PCDHA9: variants seen among roughly 807,000 people sequenced by gnomAD.
PCDHA9 encodes the protein protocadherin alpha 9.
Under a neutral mutation model 62.0 loss-of-function variants are expected in PCDHA9, and 62 were observed. That is an observed-to-expected ratio of 1.00 (90% CI 0.81 to 1.23). The LOEUF (loss-of-function observed/expected upper bound fraction) is 1.23. PCDHA9 is among the 50% of genes most tolerant of loss of function. PCDHA9 has a pLI of 0.00. For missense variants in PCDHA9, 1,205 were observed against 1,249.8 expected (o/e 0.96, Z 0.54); for synonymous variants, 557 against 567.6 (o/e 0.98, Z 0.27).
At position 140,850,814 on chromosome 5, in the gene PCDHA9, C is replaced by A. The variant is rs2150499236; in HGVS notation, c.2319C>A (p.Ser773Arg). The A allele has an allele frequency of 8.1e-6, 13 of 1,598,168 alleles. 1 individual carries two copies. In the South Asian group the frequency reaches 1.4e-4, roughly 18 times the overall value. The change falls in exon 1 of 4, where the codon AGC (serine) becomes AGA (arginine). Residue 773 changes from serine to arginine, a missense_variant. Physicochemically the swap from Ser to Arg is moderately radical, Grantham distance 110. Transcript: ENST00000532602. ...AGAAGACCGACCTCATGGCCTTCAG[C>A]CCGGGCCTTTCTCCTTGTGCTGGAT... ...GKQKTDLMAF[S>R]PGLSPCAGST...
chr5:140,978,820 TG>T, intron 1 of PCDHA9, 128 bp from the exon 2 acceptor site: 2 of 1,517,498 alleles, frequency 1.3e-6, no homozygotes, highest in Non-Finnish European at 1.8e-6. Flanking sequence ...GAGTTACACA[TG>T]AAATGGCTCA....
Position 140,849,778 on chromosome 5 carries a change from G to C in PCDHA9, c.1283G>C (p.Arg428Pro), listed in dbSNP as rs2150449659. ...GCCTACGAGCTGGTGGTTACCGCGC[G>C]GGACGGGGGCTCGCCTTCACTGTGG... is the stretch of plus-strand genomic sequence containing the variant. ...VSAYELVVTA[R>P]DGGSPSLWAT... Residue 428 changes from arginine to proline, a missense_variant, in exon 1 of 4, where the codon CGG (arginine) becomes CCG (proline). Around this residue, in one of 3 missense-constraint regions of PCDHA9, gnomAD observed 887 missense variants for 809.5 expected, o/e 1.10. Transcript: ENST00000532602. 3 of 1,598,508 alleles carry C rather than the reference G, an allele frequency of 1.9e-6. No individual in the cohort carries two copies. The highest frequency in any genetic ancestry group is 2.6e-6 in the Non-Finnish European group (3 of 1,167,978).
rs782250124 is a variant in PCDHA9, at chr5:140,870,603, C to G, written c.2394+19714C>G. 14 of 1,613,222 alleles carry G rather than the reference C, an allele frequency of 8.7e-6. No individual in the cohort carries two copies. In the Middle Eastern group the frequency reaches 5.0e-4, roughly 58 times the overall value. On this transcript the variant is annotated intron_variant, in intron 1 of 3. Coordinates refer to ENST00000532602, the MANE Select transcript of PCDHA9 (RefSeq NM_031857.2). ...CGCTGGTGGAGCGGCGGTTGGGCGA[C>G]CGCGCGCTGTCGAGCTACGTGTCGG...
chr5:140,961,236 T>C (rs246004), intron 1 of PCDHA9, among the ~76,000 whole-genome samples: 47,773 of 152,034 alleles, frequency 0.31, 7,861 homozygotes, highest in East Asian at 0.53. Context: ...AAAAAGGTGA[T>C]GGAATTTATC....
chr5:140,857,674 G>A lies in PCDHA9; in HGVS notation c.2394+6785G>A, dbSNP rs1581464423. 2.5e-6 allele frequency: 4 copies of A among 1,596,892 alleles called. No individual in the cohort carries two copies. In the East Asian group the frequency reaches 6.7e-5, roughly 27 times the overall value. ...TGAGCGCGCGCGATGGGGGCGTGCC[G>A]CCTCTGGGCAGCAACTTGACGCTGC... On this transcript the variant is annotated intron_variant, in intron 1 of 3. Coordinates refer to ENST00000532602, the MANE Select transcript of PCDHA9 (RefSeq NM_031857.2).
At chr5:140,949,975 A>AT (rs2153688056) in intron 1 of PCDHA9, among the ~76,000 whole-genome samples, 1 of 152,044 alleles carries the variant, frequency 6.6e-6, no homozygotes, top group South Asian at 2.1e-4. Flanking sequence ...TACAGCATAC[A>AT]TACTTAACTT....
intron 1 of PCDHA9, chr5:140,928,126 C>T (rs782461261): frequency 1.2e-6 from 2 of 1,614,176 alleles, no homozygotes; most frequent in Non-Finnish European, 1.7e-6. Context: ...CAGTGAATAC[C>T]AAGTCCTGAT....
chr5:140,922,652 T>C (rs371970165), intron 1 of PCDHA9, among the ~76,000 whole-genome samples: 4 of 152,156 alleles, frequency 2.6e-5, no homozygotes, highest in African/African-American at 9.7e-5. Context: ...ACAGTAAATA[T>C]GGCTATACTG....
intron 1 of PCDHA9, chr5:140,856,261 G>C (rs782582964): frequency 6.3e-7 from 1 of 1,598,154 alleles, no homozygotes. Context: ...AAAGACACGG[G>C]GACCTTCTGG....
intron 1 of PCDHA9, among the ~76,000 whole-genome samples, chr5:140,942,620 A>T (rs1304224304): frequency 1.4e-4 from 4 of 28,710 alleles, no homozygotes; most frequent in Admixed American, 3.3e-4. Context: ...TGCCAATTGT[A>T]AAAAAAAAAA....
chr5:140,871,327 C>G (rs782093100), intron 1 of PCDHA9: 12 of 1,614,102 alleles, frequency 7.4e-6, no homozygotes, highest in Admixed American at 1.7e-5. Context: ...GGTGTGCTCC[C>G]GCGCGGTGGG....
In PCDHA9 at chr5:140,850,658, G is replaced by T. The variant is rs2150492440; in HGVS notation, c.2163G>T (p.Leu721=). The change falls in exon 1 of 4, where the codon CTG becomes CTT. Residue 721 remains leucine, a synonymous_variant. Transcript: ENST00000532602. ...LVLTLLLYTV[L]RCSAMPTEGE... The stretch of plus-strand genomic sequence containing the variant: ...TCACGCTGCTGCTGTACACTGTGCT[G>T]CGGTGCTCGGCGATGCCCACCGAGG... 24 of 1,598,502 alleles carry T rather than the reference G, an allele frequency of 1.5e-5. 1 individual carries two copies. Among genetic ancestry groups the T allele is most frequent in the African/African-American group, 5.4e-5 (4 of 74,388 alleles).
intron 1 of PCDHA9, chr5:140,927,330 G>A (rs2084093036): frequency 6.2e-7 from 1 of 1,614,140 alleles, no homozygotes; most frequent in Non-Finnish European, 8.5e-7. Flanking sequence ...TTACTCTCCC[G>A]AATGCCCAAG....
At chr5:140,882,698 G>T in intron 1 of PCDHA9, 1 of 1,614,200 alleles carries the variant, frequency 6.2e-7, no homozygotes, top group Non-Finnish European at 8.5e-7. Context: ...AATCATTGCA[G>T]AATCTAGACC....
At chr5:140,883,626 C>T (rs782798960) in intron 1 of PCDHA9, 3 of 1,613,850 alleles carry the variant, frequency 1.9e-6, no homozygotes, top group Non-Finnish European at 2.5e-6. Flanking sequence ...GACAACGCGC[C>T]GGCGTTCGCG....
intron 1 of PCDHA9, chr5:140,968,616 A>G (rs782318101): frequency 6.2e-7 from 1 of 1,614,154 alleles, no homozygotes; most frequent in Admixed American, 1.7e-5. Flanking sequence ...TCTGGGCAAA[A>G]TGCTTGGCTT....
Position 140,993,501 on chromosome 5 carries a change from C to CAT in PCDHA9, c.2542+10939_2542+10940insTA, listed in dbSNP as rs1159844142. Among the ~76,000 whole-genome samples the CAT allele has an allele frequency of 9.9e-4, 148 of 149,100 alleles. 5 individuals carry two copies. In the East Asian group the frequency reaches 0.024, roughly 24 times the overall value. On this transcript the variant is annotated intron_variant, in intron 3 of 3. Transcript: ENST00000532602. ...ACACACACACACACACACACACACA[C>CAT]ACACACACGGGGAGAGAGAGACAGA...
chr5:140,999,431 C>G (rs1554256799), intron 3 of PCDHA9, among the ~76,000 whole-genome samples: 1 of 152,134 alleles, frequency 6.6e-6, no homozygotes, highest in African/African-American at 2.4e-5. Context: ...GGCCAAGTAC[C>G]TTGCCTCTTA....
At chr5:140,942,619 TAA>T (rs35075175) in intron 1 of PCDHA9, among the ~76,000 whole-genome samples, 10 of 148,966 alleles carry the variant, frequency 6.7e-5, no homozygotes, top group Middle Eastern at 3.4e-3. Context: ...TTGCCAATTG[TAA>T]AAAAAAAAAT....
Sources: allele counts gnomAD v4.1 joint callset (sites outside exome capture counted in the v4.1 genomes callset), GRCh38; gene constraint gnomAD v4.1.1; regional missense constraint gnomAD v4.1.1; transcripts MANE v1.5; gene names NCBI Gene and HGNC (gene_info 2026-07-23, HGNC 2026-07-21).